Variants in SMTNL2 observed in about 807,000 individuals in gnomAD.
SMTNL2 encodes the protein smoothelin like 2.
Under a neutral mutation model 44.1 loss-of-function variants are expected in SMTNL2, and 43 were observed. The observed-to-expected ratio is 0.98, with a 90% CI of 0.76 to 1.26. The LOEUF is 1.26. SMTNL2 is among the 50% of genes most tolerant of loss of function. The pLI, the probability that SMTNL2 is intolerant of heterozygous loss-of-function variation, is 0.00. For missense variants in SMTNL2, 646 were observed against 670.2 expected (o/e 0.96, Z 0.40); for synonymous variants, 317 against 287.6 (o/e 1.10, Z -1.03).
Position 4,584,888 on chromosome 17 carries a change from G to C in SMTNL2, c.283G>C (p.Gly95Arg), listed in dbSNP as rs1230593446. 2 of 1,297,736 alleles carry C rather than the reference G, an allele frequency of 1.5e-6. No individual in the cohort carries two copies. Among genetic ancestry groups the C allele is most frequent in the Admixed American group, 4.1e-5 (1 of 24,354 alleles). The allele number at this position is 1,297,736 out of a possible 1,614,324, so 80.4% of individuals were successfully genotyped here. A position where few individuals can be genotyped will look rare whatever the true frequency, so the allele number is the denominator to read the frequency against. The part of the protein sequence containing the change: ...GLASGMSPVP[G>R]TPGTPSPPPA... ...GGCCAGCGGGATGTCCCCGGTGCCC[G>C]GCACTCCCGGCACGCCCAGCCCCCC... Residue 95 changes from glycine (G) to arginine (R), a missense_variant, in exon 1 of 8, where the codon GGC becomes CGC. Physicochemically the swap from Gly to Arg is moderately radical, Grantham distance 125. Coordinates refer to ENST00000389313, the MANE Select transcript of SMTNL2 (RefSeq NM_001114974.2).
chr17:4,595,003 C>A lies in SMTNL2; in HGVS notation c.807-142C>A. On this transcript the variant is annotated intron_variant, in intron 4 of 7. Coordinates refer to ENST00000389313, the MANE Select transcript of SMTNL2 (RefSeq NM_001114974.2). This position sits in a 1 kb window ranked among gnomAD's most constrained non-coding sequence, Gnocchi z 5.1. ...GAAAACCTGTCAAACCAGCTAGGGA[C>A]CGGAGCAAGGGGGCCTCTTCTCTGA... The A allele has an allele frequency of 1.8e-6, 2 of 1,109,776 alleles. No homozygotes were observed. Among genetic ancestry groups the A allele is most frequent in the South Asian group, 1.4e-5 (1 of 69,682 alleles). The allele number at this position is 1,109,776 out of a possible 1,614,324, so 68.7% of individuals were successfully genotyped here.
chr17:4,591,347 G>A (rs1218632813), intron 1 of SMTNL2, among the ~76,000 whole-genome samples: 1 of 152,220 alleles, frequency 6.6e-6, no homozygotes, highest in Non-Finnish European at 1.5e-5. Context: ...GGCTCGTGGT[G>A]GAGCCCCCAC....
Position 4,584,898 on chromosome 17 carries a change from G to A in SMTNL2, c.293G>A (p.Gly98Asp). 1 of 1,295,322 alleles carries A rather than the reference G, an allele frequency of 7.7e-7. No individual in the cohort carries two copies. Among genetic ancestry groups the A allele is most frequent in the Non-Finnish European group, 9.7e-7 (1 of 1,026,064 alleles). The allele number at this position is 1,295,322 out of a possible 1,614,324, so 80.2% of individuals were successfully genotyped here. Residue 98 changes from glycine to aspartate, a missense_variant, in exon 1 of 8, where the codon GGC (glycine) becomes GAC (aspartate). By Grantham distance (94) the Gly-to-Asp change is moderately conservative (BLOSUM62 -1). Coordinates refer to ENST00000389313, the MANE Select transcript of SMTNL2 (RefSeq NM_001114974.2). ...SGMSPVPGTP[G>D]TPSPPPAPGV... ...ATGTCCCCGGTGCCCGGCACTCCCG[G>A]CACGCCCAGCCCCCCGCCCGCGCCC...
chr17:4,607,513 A>G lies in SMTNL2; in HGVS notation c.*26A>G, dbSNP rs774827351. 2 of 1,611,750 alleles carry G rather than the reference A, an allele frequency of 1.2e-6. No homozygotes were observed. Among genetic ancestry groups the G allele is most frequent in the Non-Finnish European group, 1.7e-6 (2 of 1,178,114 alleles). ...AGCCCCTGAGCCTGGATTGCCAAAG[A>G]GCAGCCCCAGGAAGAGGCCGGGGGT... On this transcript the variant is annotated 3_prime_UTR_variant, in exon 8 of 8. Transcript: ENST00000389313. This position sits in a 1 kb window ranked among gnomAD's most constrained non-coding sequence, Gnocchi z 4.7.
chr17:4,584,982 T>G lies in SMTNL2; in HGVS notation c.377T>G (p.Phe126Cys), dbSNP rs1909285838. ...GSARFASHATFSLSGRGQSLD... is the reference protein window; with the variant it reads ...GSARFASHATCSLSGRGQSLD... ...GCACGCTTCGCCAGCCACGCCACCT[T>G]CTCGCTGTCCGGCCGCGGCCAGGTG... Residue 126 changes from phenylalanine (F) to cysteine (C), a missense_variant, in exon 1 of 8, where the codon TTC becomes TGC. Coordinates refer to ENST00000389313, the MANE Select transcript of SMTNL2 (RefSeq NM_001114974.2). 6 of 1,375,360 alleles carry G rather than the reference T, an allele frequency of 4.4e-6. No homozygotes were observed. Among genetic ancestry groups the G allele is most frequent in the Non-Finnish European group, 5.6e-6 (6 of 1,066,040 alleles). 85.2% of individuals were successfully genotyped at this position (1,375,360 alleles called of 1,614,324 possible).
chr17:4,589,935 T>C (rs1462407784), intron 1 of SMTNL2, among the ~76,000 whole-genome samples: 1 of 124,916 alleles, frequency 8.0e-6, no homozygotes, highest in Admixed American at 8.9e-5. Flanking sequence ...TGGACGCACC[T>C]GGCTTTTTTT....
rs1215116416 is a variant in SMTNL2, at chr17:4,600,146, TG to T, written c.1259+2825del. Among the ~76,000 whole-genome samples, 2 of 152,182 alleles carry T rather than the reference TG, an allele frequency of 1.3e-5. No homozygotes were observed. The highest frequency in any genetic ancestry group is 2.9e-5 in the Non-Finnish European group (2 of 68,028). Reference sequence around the variant, plus strand: ...ACTAGGGGGAGAGGGCTGGGAAGACTGGCTCGCCTGCCTGGGGCCTCTGGGG... The same window carrying T: ...ACTAGGGGGAGAGGGCTGGGAAGACTGCTCGCCTGCCTGGGGCCTCTGGGG... On this transcript the variant is annotated intron_variant, in intron 7 of 7. Coordinates refer to ENST00000389313, the MANE Select transcript of SMTNL2 (RefSeq NM_001114974.2). The surrounding 1 kb of genome is among the most constrained non-coding windows in gnomAD (Gnocchi z 4.7).
chr17:4,584,482 G>A (rs1016460686), upstream of SMTNL2: 1 of 1,107,638 alleles, frequency 9.0e-7, no homozygotes, highest in Non-Finnish European at 1.1e-6. Flanking sequence ...CCCGCCCCGC[G>A]CCCGCCTCCC....
At chr17:4,587,981 G>A (rs62066424) in intron 1 of SMTNL2, among the ~76,000 whole-genome samples, 1,669 of 152,322 alleles carry the variant, frequency 0.011, 30 homozygotes, top group Admixed American at 0.043. Context: ...CCGAGGCAGC[G>A]GAGGCCCCAG....
chr17:4,602,220 G>A lies in SMTNL2; in HGVS notation c.1259+4897G>A, dbSNP rs951922542. ...ATGCTCATTGGCGCATTTTGGATTCGGTATGATGAACCTGTGCCATTGAAG... is the reference window on the plus strand; with the variant it reads ...ATGCTCATTGGCGCATTTTGGATTCAGTATGATGAACCTGTGCCATTGAAG... On this transcript the variant is annotated intron_variant, in intron 7 of 7. Coordinates refer to ENST00000389313, the MANE Select transcript of SMTNL2 (RefSeq NM_001114974.2). 1.5e-4 allele frequency among the ~76,000 whole-genome samples: 22 copies of A among 151,496 alleles called. 1 individual carries two copies. Among genetic ancestry groups the A allele is most frequent in the South Asian group, 4.2e-4 (2 of 4,806 alleles).
chr17:4,598,788 T>C lies in SMTNL2; in HGVS notation c.1259+1465T>C, dbSNP rs4790656. 0.81 allele frequency among the ~76,000 whole-genome samples: 122,047 copies of C among 151,466 alleles called. 49,429 individuals are homozygous for C. The highest frequency in any genetic ancestry group is 0.85 in the Non-Finnish European group (57,615 of 67,856). ...GCAGTGAGCTGAGATCGCACCACTG[T>C]ACTCCAGCCTGGGTGGCAGAGTGAG... On this transcript the variant is annotated intron_variant, in intron 7 of 7. Transcript: ENST00000389313. The surrounding 1 kb of genome is among the most constrained non-coding windows in gnomAD (Gnocchi z 4.8).
At chr17:4,589,938 C>CTTTTTTTTTTT (rs780984262) in intron 1 of SMTNL2, among the ~76,000 whole-genome samples, 3 of 59,792 alleles carry the variant, frequency 5.0e-5, no homozygotes, top group African/African-American at 7.0e-5. Context: ...ACGCACCTGG[C>CTTTTTTTTTTT]TTTTTTTTTT....
chr17:4,593,773 C>T, intron 3 of SMTNL2, 49 bp from the exon 4 acceptor site: 1 of 1,552,698 alleles, frequency 6.4e-7, no homozygotes, highest in South Asian at 1.2e-5. Flanking sequence ...CTATGGCGGG[C>T]CCTCCCTGGG....
intron 7 of SMTNL2, among the ~76,000 whole-genome samples, chr17:4,603,336 C>A (rs1370639466): frequency 6.6e-6 from 1 of 152,092 alleles, no homozygotes; most frequent in Non-Finnish European, 1.5e-5. Flanking sequence ...TTTCTTCTGG[C>A]GTGTGAAGGG....
intron 1 of SMTNL2, among the ~76,000 whole-genome samples, chr17:4,587,828 G>A (rs548969731): frequency 7.9e-5 from 12 of 152,372 alleles, no homozygotes; most frequent in African/African-American, 2.6e-4. Flanking sequence ...CTGTCTGGCT[G>A]GGAGCAGGGA....
Position 4,598,324 on chromosome 17 carries a change from A to C in SMTNL2, c.1259+1001A>C, listed in dbSNP as rs1909900745. On this transcript the variant is annotated intron_variant, in intron 7 of 7. Coordinates refer to ENST00000389313, the MANE Select transcript of SMTNL2 (RefSeq NM_001114974.2). The surrounding 1 kb of genome is among the most constrained non-coding windows in gnomAD (Gnocchi z 4.8). ...CATCCTGGCCCCCAGGGCAGGGAGC[A>C]GGGCACAGATGAGTGGTGTTCGGGG... 6.6e-6 allele frequency among the ~76,000 whole-genome samples: 1 copy of C among 152,182 alleles called. No individual in the cohort carries two copies. The highest frequency in any genetic ancestry group is 2.1e-4 in the South Asian group (1 of 4,832).
chr17:4,584,745 C>A lies in SMTNL2; in HGVS notation c.140C>A (p.Ala47Glu). 2.3e-6 allele frequency: 3 copies of A among 1,308,838 alleles called. No homozygotes were observed. Among genetic ancestry groups the A allele is most frequent in the Non-Finnish European group, 1.9e-6 (2 of 1,032,432 alleles). 81.1% of individuals were successfully genotyped at this position (1,308,838 alleles called of 1,614,324 possible). Residue 47 changes from alanine to glutamate, a missense_variant, in exon 1 of 8, where the codon GCA becomes GAA. Ala to Glu is a moderately radical substitution (Grantham distance 107). Coordinates refer to ENST00000389313, the MANE Select transcript of SMTNL2 (RefSeq NM_001114974.2). ...CAGCGCGGCGTGGAGCGGCGAGTGG[C>A]AGAGGCGATGCGCCTGGCCGGCCCC... ...GLQRGVERRV[A>E]EAMRLAGPLA...
Position 4,595,399 on chromosome 17 carries a change from C to T in SMTNL2, c.989+72C>T, listed in dbSNP as rs954390958. The T allele has an allele frequency of 1.7e-5, 27 of 1,554,724 alleles. No homozygotes were observed. Among genetic ancestry groups the T allele is most frequent in the Non-Finnish European group, 2.3e-5 (26 of 1,147,032 alleles). On this transcript the variant is annotated intron_variant, in intron 5 of 7. Transcript: ENST00000389313. The surrounding 1 kb of genome is among the most constrained non-coding windows in gnomAD (Gnocchi z 5.1). Reference sequence around the variant, plus strand: ...GACCCAGACGGGGCTTGGGTGGGTGCAGCAGGGCAAGGTTCAGCCCTGTCC... The same window carrying T: ...GACCCAGACGGGGCTTGGGTGGGTGTAGCAGGGCAAGGTTCAGCCCTGTCC...
intron 7 of SMTNL2, among the ~76,000 whole-genome samples, chr17:4,605,141 CTTTTTTGTTTGG>C: frequency 7.9e-6 from 1 of 126,898 alleles, no homozygotes; most frequent in Non-Finnish European, 1.6e-5. Flanking sequence ...TAATCTCTGA[CTTTTTTGTTTGG>C]TTTTTTTTTT....
Sources: allele counts gnomAD v4.1 joint callset (sites outside exome capture counted in the v4.1 genomes callset), GRCh38; gene constraint gnomAD v4.1.1; non-coding constraint Gnocchi (gnomAD v3.1); transcripts MANE v1.5; gene names NCBI Gene and HGNC (gene_info 2026-07-23, HGNC 2026-07-21).